The following SHROOM2 variants were observed in gnomAD, a reference collection of about 807,000 sequenced individuals.
SHROOM2 encodes the protein shroom family member 2, also known as protein Shroom2.
A neutral mutation model predicts 75.9 loss-of-function variants in SHROOM2; 33 were observed. The ratio of observed to expected loss-of-function variants is 0.43; its 90% CI spans 0.33 to 0.58. The LOEUF is 0.58. SHROOM2 is among the 20% of genes least tolerant of loss of function. The probability of loss-of-function intolerance (pLI) is 0.04; values close to 1 mark genes in which losing one functional copy is unlikely to be tolerated. For missense variants in SHROOM2, 1,434 were observed against 1,461.2 expected (o/e 0.98, Z 0.30); for synonymous variants, 655 against 663.6 (o/e 0.99, Z 0.20).
chrX:9,815,112 T>A (rs1359999004), intron 1 of SHROOM2, among the ~76,000 whole-genome samples: 1 of 111,607 alleles, frequency 9.0e-6, no homozygotes, highest in Non-Finnish European at 1.9e-5. Flanking sequence ...TCCTTGGTTT[T>A]CCACATATGG....
At position 9,896,430 on chromosome X, in the gene SHROOM2, C is replaced by G; in HGVS notation, c.2522C>G (p.Pro841Arg). Residue 841 changes from proline (P) to arginine (R), a missense_variant, in exon 4 of 10, where the codon CCC (proline) becomes CGC (arginine). This residue lies in a region of SHROOM2 where 1,340 missense variants were observed against 1,338.3 expected (regional missense o/e 1.00). Coordinates refer to ENST00000380913, the MANE Select transcript of SHROOM2 (RefSeq NM_001649.4). ...GGCCGCACATGTGAGGGCACGGAGC[C>G]CTGGTCGCGCACCACCTCCCTTGGG... The part of the protein sequence containing the change: ...TAGRTCEGTE[P>R]WSRTTSLGDS... 8.3e-7 allele frequency: 1 copy of G among 1,211,912 alleles called. No individual in the cohort carries two copies. Among genetic ancestry groups the G allele is most frequent in the Non-Finnish European group, 1.1e-6 (1 of 895,542 alleles).
At chrX:9,901,407 C>T (rs993223996) in intron 5 of SHROOM2, among the ~76,000 whole-genome samples, 1 of 112,104 alleles carries the variant, frequency 8.9e-6, no homozygotes, top group Non-Finnish European at 1.9e-5. Context: ...GTAACCACTT[C>T]TACCTGCTGT....
intron 1 of SHROOM2, among the ~76,000 whole-genome samples, chrX:9,838,587 T>A (rs2083961849): frequency 8.9e-6 from 1 of 111,891 alleles, no homozygotes; most frequent in Non-Finnish European, 1.9e-5. Flanking sequence ...TAGTATGTCG[T>A]ATAGCCTTTG....
intron 1 of SHROOM2, among the ~76,000 whole-genome samples, chrX:9,836,176 G>T (rs915977380): frequency 1.8e-5 from 2 of 112,134 alleles, no homozygotes; most frequent in East Asian, 5.7e-4. Context: ...ACGGTGCAGT[G>T]GGGAGTGGAA....
At chrX:9,831,401 G>A (rs1185677361) in intron 1 of SHROOM2, among the ~76,000 whole-genome samples, 4 of 112,316 alleles carry the variant, frequency 3.6e-5, no homozygotes, top group Middle Eastern at 4.6e-3. Context: ...GCTCACGCCT[G>A]TAATCCCAGC....
At chrX:9,851,863 T>C (rs919854109) in intron 1 of SHROOM2, among the ~76,000 whole-genome samples, 6 of 111,813 alleles carry the variant, frequency 5.4e-5, no homozygotes, top group Non-Finnish European at 9.4e-5. Context: ...AAAACTTTAT[T>C]ATATAGTAAA....
chrX:9,792,401 G>T (rs1450068932), intron 1 of SHROOM2, among the ~76,000 whole-genome samples: 1 of 109,237 alleles, frequency 9.2e-6, no homozygotes, highest in African/African-American at 3.3e-5. Context: ...GAATTGCAAA[G>T]CAAAGGTAAC....
chrX:9,838,110 A>G lies in SHROOM2; in HGVS notation c.166-35542A>G, dbSNP rs1339631145. Among the ~76,000 whole-genome samples, 9 of 92,285 alleles carry G rather than the reference A, an allele frequency of 9.8e-5. No homozygotes were observed. The Admixed American group carries it at 1.0e-3, about 11-fold the overall frequency. 80.1% of individuals were successfully genotyped at this position (92,285 alleles called of 115,157 possible). ...GAGTCTTGCTCTGTCACCCAGGCTG[A>G]AGTGCAGTGGCACGATCTCGGCTCA... On this transcript the variant is annotated intron_variant, in intron 1 of 9. Coordinates refer to ENST00000380913, the MANE Select transcript of SHROOM2 (RefSeq NM_001649.4).
chrX:9,819,420 ATC>A, intron 1 of SHROOM2: 2 of 417,401 alleles, frequency 4.8e-6, no homozygotes, highest in Non-Finnish European at 8.6e-6. Flanking sequence ...CAGACAGGGC[ATC>A]TTGTAATAGA....
At chrX:9,945,328 C>T (rs768444765) in intron 9 of SHROOM2, among the ~76,000 whole-genome samples, 26 of 110,336 alleles carry the variant, frequency 2.4e-4, no homozygotes, top group Non-Finnish European at 3.8e-4. Flanking sequence ...CCAGGCTGGT[C>T]TGGAACTCCT....
intron 1 of SHROOM2, among the ~76,000 whole-genome samples, chrX:9,859,340 C>T (rs1362146138): frequency 8.9e-6 from 1 of 112,630 alleles, no homozygotes; most frequent in Non-Finnish European, 1.9e-5. Flanking sequence ...TTCATCCTCT[C>T]CAGAAACATT....
chrX:9,840,457 C>T (rs961353341), intron 1 of SHROOM2, among the ~76,000 whole-genome samples: 11 of 110,993 alleles, frequency 9.9e-5, no homozygotes, highest in South Asian at 3.8e-4. Flanking sequence ...GTTGTCGAGA[C>T]GGAGTTTCAC....
chrX:9,825,928 C>T (rs920125918), intron 1 of SHROOM2, among the ~76,000 whole-genome samples: 2 of 112,415 alleles, frequency 1.8e-5, no homozygotes, highest in Non-Finnish European at 3.8e-5. Context: ...GCACCCAACA[C>T]GACACACAAC....
Position 9,932,596 on chromosome X carries a change from T to A in SHROOM2, c.3313T>A (p.Tyr1105Asn), listed in dbSNP as rs1189111192. 44 of 1,210,016 alleles carry A rather than the reference T, an allele frequency of 3.6e-5. No homozygotes were observed. The highest frequency in any genetic ancestry group is 4.8e-5 in the Non-Finnish European group (43 of 895,056). ...PTPSPASLDV[Y>N]VARLSLSHSP... Reference sequence around the variant, plus strand: ...GCCATCCCCTGCGTCCCTGGATGTGTATGTGGCCCGCCTGTCCCTCTCCCA... The same window carrying A: ...GCCATCCCCTGCGTCCCTGGATGTGAATGTGGCCCGCCTGTCCCTCTCCCA... The change falls in exon 6 of 10, where the codon TAT (tyrosine) becomes AAT (asparagine). Residue 1105 changes from tyrosine (Y) to asparagine (N), a missense_variant. Tyr to Asn is a moderately radical substitution (Grantham distance 143, BLOSUM62 -2). This residue lies in a region of SHROOM2 where 1,340 missense variants were observed against 1,338.3 expected (regional missense o/e 1.00). Coordinates refer to ENST00000380913, the MANE Select transcript of SHROOM2 (RefSeq NM_001649.4).
rs1166769024 is a variant in SHROOM2, at chrX:9,830,584, C to CTTTTTTTTTTTTT, written c.166-43046_166-43034dup. On this transcript the variant is annotated intron_variant, in intron 1 of 9. Transcript: ENST00000380913. ...AGGGTCTCAAGTGAACCCCTGGTTT[C>CTTTTTTTTTTTTT]TTTTTTTTTTTTTTTTTTTTTTTTT... Among the ~76,000 whole-genome samples, 6 of 33,642 alleles carry CTTTTTTTTTTTTT rather than the reference C, an allele frequency of 1.8e-4. 1 individual carries two copies. The highest frequency in any genetic ancestry group is 6.0e-4 in the African/African-American group (5 of 8,355). 29.2% of individuals were successfully genotyped at this position (33,642 alleles called of 115,157 possible). A position where few individuals can be genotyped will look rare whatever the true frequency, so the allele number is the denominator to read the frequency against.
chrX:9,872,038 C>CAGT (rs1481915267), intron 1 of SHROOM2, among the ~76,000 whole-genome samples: 10 of 112,053 alleles, frequency 8.9e-5, no homozygotes, highest in African/African-American at 2.9e-4. Flanking sequence ...GGAACAAGCC[C>CAGT]AGTAGTAAAT....
intron 5 of SHROOM2, among the ~76,000 whole-genome samples, chrX:9,927,842 C>T (rs968093584): frequency 3.1e-4 from 34 of 110,474 alleles, no homozygotes; most frequent in African/African-American, 1.1e-3. Flanking sequence ...CTTGCTGGGG[C>T]GTGACCTGGA....
chrX:9,941,901 G>A (rs759064237), intron 8 of SHROOM2, among the ~76,000 whole-genome samples: 31 of 105,460 alleles, frequency 2.9e-4, no homozygotes, highest in Admixed American at 1.3e-3. Context: ...AACCTGGGAG[G>A]CGGAGCTTGC....
chrX:9,834,259 C>T (rs2083932141), intron 1 of SHROOM2, among the ~76,000 whole-genome samples: 1 of 110,163 alleles, frequency 9.1e-6, no homozygotes, highest in Non-Finnish European at 1.9e-5. Context: ...GGTTGAGTCC[C>T]ATGCACCAGG....
Sources: gnomAD v4.1 joint callset for allele counts (sites outside exome capture counted in the v4.1 genomes callset) on GRCh38, gnomAD v4.1.1 for gene constraint, gnomAD v4.1.1 regional missense constraint, MANE v1.5 for transcripts, NCBI Gene and HGNC (gene_info 2026-07-23, HGNC 2026-07-21) for gene names.